Variants in CABYR observed in about 807,000 individuals in gnomAD.
CABYR encodes calcium-binding tyrosine phosphorylation-regulated protein.
A neutral mutation model predicts 36.1 loss-of-function variants in CABYR; 31 were observed. The ratio of observed to expected loss-of-function variants is 0.86; its 90% CI spans 0.64 to 1.16. The LOEUF is 1.16. Ranked by LOEUF, CABYR falls within the 50% of genes most tolerant of loss-of-function variation. The probability of loss-of-function intolerance (pLI) is 0.00; values close to 1 mark genes in which losing one functional copy is unlikely to be tolerated. For synonymous variants in CABYR, 146 were observed against 160.7 expected (o/e 0.91, Z 0.69); for missense variants, 429 against 455.8 (o/e 0.94, Z 0.53).
Position 24,156,060 on chromosome 18 carries a change from C to G in CABYR, c.541+18C>G. 6.2e-7 allele frequency: 1 copy of G among 1,614,176 alleles called. No homozygotes were observed. The highest frequency in any genetic ancestry group is 8.5e-7 in the Non-Finnish European group (1 of 1,180,026). On this transcript the variant is annotated intron_variant, in intron 4 of 5. Transcript: ENST00000399496. ...GATGTTAGGTAAAGTTTCATCTATT[C>G]ATTCTGATCAATCTGATGTGTTAAT...
chr18:24,148,317 T>A (rs2085508652), intron 3 of CABYR, among the ~76,000 whole-genome samples: 2 of 152,188 alleles, frequency 1.3e-5, no homozygotes, highest in Admixed American at 1.3e-4. Flanking sequence ...AGGGGGATAC[T>A]ACTACCCCTT....
At chr18:24,150,776 G>GTTTTTTT (rs200666016) in intron 3 of CABYR, 3 of 99,680 alleles carry the variant, frequency 3.0e-5, no homozygotes, top group African/African-American at 3.9e-5. Context: ...TTGTTTTTTT[G>GTTTTTTT]TTTTTTGTTT....
At chr18:24,140,547 T>C (rs931618127) in intron 1 of CABYR, among the ~76,000 whole-genome samples, 9 of 152,148 alleles carry the variant, frequency 5.9e-5, no homozygotes, top group African/African-American at 2.2e-4. Context: ...CATTTATCCT[T>C]TGTGTTACAA....
At chr18:24,160,487 A>G (rs2085931008) in intron 5 of CABYR, among the ~76,000 whole-genome samples, 1 of 152,180 alleles carries the variant, frequency 6.6e-6, no homozygotes, top group Non-Finnish European at 1.5e-5. Context: ...ATGTAACAGA[A>G]CACTTAATCC....
At chr18:24,161,081 A>T (rs958749016) in intron 5 of CABYR, among the ~76,000 whole-genome samples, 2 of 148,592 alleles carry the variant, frequency 1.3e-5, no homozygotes, top group Admixed American at 6.6e-5. Flanking sequence ...TGGAAAACAG[A>T]TTAGCAGTAA....
chr18:24,142,644 G>GT (rs11403423), intron 1 of CABYR, among the ~76,000 whole-genome samples: 67,675 of 144,872 alleles, frequency 0.47, 18,667 homozygotes, highest in Non-Finnish European at 0.63. Context: ...AGGGTTGTGT[G>GT]TTTTTTTTTT....
intron 1 of CABYR, among the ~76,000 whole-genome samples, chr18:24,141,468 TCC>T (rs2085319251): frequency 6.6e-6 from 1 of 152,164 alleles, no homozygotes; most frequent in African/African-American, 2.4e-5. Context: ...GCTGTGGTTC[TCC>T]CATACAACTG....
At chr18:24,152,219 C>G (rs929541429) in intron 3 of CABYR, among the ~76,000 whole-genome samples, 1 of 152,068 alleles carries the variant, frequency 6.6e-6, no homozygotes. Flanking sequence ...TTCTGTATCA[C>G]TTTTTAAATG....
chr18:24,155,606 GCCA>G (rs1194344820), intron 3 of CABYR, 92 bp from the exon 4 acceptor site: 16 of 908,136 alleles, frequency 1.8e-5, no homozygotes, highest in Non-Finnish European at 2.5e-5. Context: ...ACAGGCATGA[GCCA>G]CTACATCCCT....
At chr18:24,156,873 G>A (rs2145882620) in intron 4 of CABYR, 1 of 1,614,162 alleles carries the variant, frequency 6.2e-7, no homozygotes, top group East Asian at 2.2e-5. Context: ...AGCTGCAGAA[G>A]CAGTGCACTC....
chr18:24,150,295 CTGAA>C (rs1212914892), intron 3 of CABYR, among the ~76,000 whole-genome samples: 1 of 152,216 alleles, frequency 6.6e-6, no homozygotes, highest in East Asian at 1.9e-4. Context: ...CTAGGATAGG[CTGAA>C]TGGCTGTTCT....
rs548868836 is a variant in CABYR, at chr18:24,159,603, C to T, written c.673C>T (p.Leu225Phe). ...ACCTGGGCCTTTTCCCCAAGCAACCCTCTATTTACCTAATCCTAAGGATCC... is the reference window on the plus strand; with the variant it reads ...ACCTGGGCCTTTTCCCCAAGCAACCTTCTATTTACCTAATCCTAAGGATCC... Reference protein sequence around the residue: ...PAPGPFPQATLYLPNPKDPQF... With the variant: ...PAPGPFPQATFYLPNPKDPQF... The change falls in exon 5 of 6, where the codon CTC (leucine) becomes TTC (phenylalanine). Residue 225 changes from leucine to phenylalanine, a missense_variant. Physicochemically the swap from Leu to Phe is conservative, Grantham distance 22 (BLOSUM62 0). Coordinates refer to ENST00000399496, the MANE Select transcript of CABYR (RefSeq NM_153769.3). 1.5e-5 allele frequency: 25 copies of T among 1,614,088 alleles called. No individual in the cohort carries two copies. The African/African-American group carries it at 3.2e-4, about 21-fold the overall frequency.
chr18:24,156,428 C>T lies in CABYR; in HGVS notation c.541+386C>T, dbSNP rs773479077. 20 of 1,614,092 alleles carry T rather than the reference C, an allele frequency of 1.2e-5. No individual in the cohort carries two copies. In the South Asian group the frequency reaches 1.4e-4, roughly 12 times the overall value. ...CTGTGACTGAAGGAGTTGTTTATAT[C>T]GAGCAACTGCCAGAACAAATAGTTA... On this transcript the variant is annotated intron_variant, in intron 4 of 5. Coordinates refer to ENST00000399496, the MANE Select transcript of CABYR (RefSeq NM_153769.3).
Position 24,143,159 on chromosome 18 carries a change from G to C in CABYR, c.45G>C (p.Lys15Asn), listed in dbSNP as rs1422381832. The C allele has an allele frequency of 6.2e-7, 1 of 1,613,520 alleles. No individual in the cohort carries two copies. The highest frequency in any genetic ancestry group is 2.2e-5 in the East Asian group (1 of 44,870). Residue 15 changes from lysine to asparagine, a missense_variant, in exon 2 of 6, where the codon AAG (lysine) becomes AAC (asparagine). By Grantham distance (94) the Lys-to-Asn change is moderately conservative (BLOSUM62 0). Transcript: ENST00000399496. ...KPRLVVPYGLKTLLEGISRAV... is the reference protein window; with the variant it reads ...KPRLVVPYGLNTLLEGISRAV... ...GACTTGTCGTACCCTATGGCCTCAA[G>C]ACTCTGCTCGAGGGAATTAGCAGAG...
At position 24,143,141 on chromosome 18, in the gene CABYR, C is replaced by G. The variant is rs144855105; in HGVS notation, c.27C>G (p.Val9=). 3.1e-6 allele frequency: 5 copies of G among 1,612,244 alleles called. No homozygotes were observed. The Admixed American group carries it at 5.0e-5, about 16-fold the overall frequency. The part of the protein sequence containing the change: MISSKPRL[V]VPYGLKTLLE... ...TGATTTCTTCAAAGCCCAGACTTGT[C>G]GTACCCTATGGCCTCAAGACTCTGC... The change falls in exon 2 of 6, where the codon GTC becomes GTG. Residue 9 remains valine (V), a synonymous_variant. Transcript: ENST00000399496.
intron 3 of CABYR, among the ~76,000 whole-genome samples, chr18:24,153,704 T>C (rs2145875568): frequency 6.6e-6 from 1 of 152,338 alleles, no homozygotes; most frequent in East Asian, 1.9e-4. Context: ...GTTATGTTTT[T>C]GTGGCTTATC....
At chr18:24,149,164 G>A (rs1273111722) in intron 3 of CABYR, among the ~76,000 whole-genome samples, 2 of 152,124 alleles carry the variant, frequency 1.3e-5, no homozygotes, top group Admixed American at 6.5e-5. Context: ...TAGATACAGA[G>A]TGTCGATTGG....
intron 3 of CABYR, among the ~76,000 whole-genome samples, chr18:24,151,980 G>T (rs2085650679): frequency 6.6e-6 from 1 of 152,112 alleles, no homozygotes; most frequent in South Asian, 2.1e-4. Context: ...ATGAGCCATC[G>T]TGCCTGACCT....
In CABYR at chr18:24,154,877, A is replaced by G. The variant is rs991883845; in HGVS notation, c.200-824A>G. On this transcript the variant is annotated intron_variant, in intron 3 of 5. Coordinates refer to ENST00000399496, the MANE Select transcript of CABYR (RefSeq NM_153769.3). ...CATGCCTGAGGATTCACTTAAGGCT[A>G]CACTTTCAGATCCAGAGATATCTTT... Among the ~76,000 whole-genome samples, 3 of 152,298 alleles carry G rather than the reference A, an allele frequency of 2.0e-5. No individual in the cohort carries two copies. In the East Asian group the frequency reaches 5.8e-4, roughly 29 times the overall value.
Sources: allele counts gnomAD v4.1 joint callset (sites outside exome capture counted in the v4.1 genomes callset), GRCh38; gene constraint gnomAD v4.1.1; transcripts MANE v1.5; gene names NCBI Gene and HGNC (gene_info 2026-07-23, HGNC 2026-07-21).